LMO7: variants seen among roughly 807,000 people sequenced by gnomAD.
LMO7 encodes the protein LIM domain only protein 7.
In LMO7, 120 loss-of-function variants were observed where a neutral mutation model predicts 206.5. The ratio of observed to expected loss-of-function variants is 0.58; its 90% CI spans 0.50 to 0.68. The LOEUF is 0.68. Among genes scored for constraint, LMO7 ranks in the 30% least tolerant of loss-of-function variants. LMO7 has a pLI of 0.00. For synonymous variants in LMO7, 706 were observed against 681.5 expected, an observed-to-expected ratio of 1.04 and a Z score of -0.56; for missense variants, 1,959 against 1,957.9, an observed-to-expected ratio of 1.00 and a Z score of -0.01.
At chr13:75,782,606 G>A (rs1267476527) in intron 4 of LMO7, among the ~76,000 whole-genome samples, 2 of 152,184 alleles carry the variant, frequency 1.3e-5, no homozygotes, top group Non-Finnish European at 2.9e-5. Context: ...TCTCCTACAT[G>A]TCTCTAGATG....
chr13:75,781,096 C>CTTTTT (rs367937964), intron 4 of LMO7, among the ~76,000 whole-genome samples: 2 of 41,918 alleles, frequency 4.8e-5, no homozygotes, highest in African/African-American at 1.1e-4. Context: ...CTCTATTTTC[C>CTTTTT]TTTTTTTTTT....
chr13:75,791,844 A>G (rs1368603447), intron 4 of LMO7, among the ~76,000 whole-genome samples: 1 of 152,076 alleles, frequency 6.6e-6, no homozygotes, highest in African/African-American at 2.4e-5. Flanking sequence ...AGTAAGGGCT[A>G]TCATCATACC....
At chr13:75,745,543 T>C (rs1400769564) in intron 3 of LMO7, among the ~76,000 whole-genome samples, 1 of 152,190 alleles carries the variant, frequency 6.6e-6, no homozygotes, top group South Asian at 2.1e-4. Flanking sequence ...GTTAATCGTA[T>C]GTGTCAACTT....
At chr13:75,799,490 T>A (rs2140900527) in intron 6 of LMO7, among the ~76,000 whole-genome samples, 1 of 152,330 alleles carries the variant, frequency 6.6e-6, no homozygotes, top group Admixed American at 6.5e-5. Flanking sequence ...ATATGAATAT[T>A]CTTCTATGTA....
Position 75,636,331 on chromosome 13 carries a change from A to G in LMO7, c.-327A>G, listed in dbSNP as rs2035843078. 3 of 1,155,134 alleles carry G rather than the reference A, an allele frequency of 2.6e-6. No individual in the cohort carries two copies. Among genetic ancestry groups the G allele is most frequent in the Non-Finnish European group, 3.2e-6 (3 of 936,422 alleles). The allele number at this position is 1,155,134 out of a possible 1,614,324, so 71.6% of individuals were successfully genotyped here. On this transcript the variant is annotated 5_prime_UTR_variant, in exon 1 of 31. Transcript: ENST00000377534. ...GCGGCGCTGCGACTTTTGAAGTCCA[A>G]ACTGTCGTCGGGGCTGGTGCCGCGC...
chr13:75,833,110 T>C lies in LMO7; in HGVS notation c.3009T>C (p.Phe1003=). ...INQTPGKSLD[F]GFTIKWDIPG... ...AGACGCCTGGGAAGAGTCTTGACTTTGGGTTTACAATAAAATGGGATATTC... is the reference window on the plus strand; with the variant it reads ...AGACGCCTGGGAAGAGTCTTGACTTCGGGTTTACAATAAAATGGGATATTC... The change falls in exon 16 of 31, where the codon TTT becomes TTC. Residue 1003 remains phenylalanine (F), a synonymous_variant. Coordinates refer to ENST00000377534, the MANE Select transcript of LMO7 (RefSeq NM_001306080.2). 1 of 1,612,016 alleles carries C rather than the reference T, an allele frequency of 6.2e-7. No individual in the cohort carries two copies. Among genetic ancestry groups the C allele is most frequent in the Non-Finnish European group, 8.5e-7 (1 of 1,178,248 alleles).
At chr13:75,725,943 A>T (rs888046612) in intron 2 of LMO7, among the ~76,000 whole-genome samples, 2 of 150,820 alleles carry the variant, frequency 1.3e-5, no homozygotes, top group African/African-American at 4.9e-5. Context: ...GTGTGTATAT[A>T]TAAGTCTTTG....
At chr13:75,695,263 T>G (rs968906950) in intron 1 of LMO7, among the ~76,000 whole-genome samples, 2 of 152,236 alleles carry the variant, frequency 1.3e-5, no homozygotes, top group African/African-American at 4.8e-5. Flanking sequence ...GAGAGGAATC[T>G]TAGATGTCTC....
chr13:75,782,156 C>G (rs992257600), intron 4 of LMO7, among the ~76,000 whole-genome samples: 5 of 152,094 alleles, frequency 3.3e-5, no homozygotes, highest in African/African-American at 1.2e-4. Context: ...TCAACTTTGT[C>G]TTAAACTAAT....
intron 4 of LMO7, among the ~76,000 whole-genome samples, chr13:75,776,650 C>T (rs1202693278): frequency 6.6e-6 from 1 of 152,100 alleles, no homozygotes; most frequent in South Asian, 2.1e-4. Flanking sequence ...AAGTTATTAG[C>T]CTTCAACAGC....
intron 3 of LMO7, chr13:75,760,692 G>T (rs1320670595): frequency 7.9e-6 from 12 of 1,523,548 alleles, no homozygotes; most frequent in Non-Finnish European, 9.6e-6. Flanking sequence ...CAGTCACAAA[G>T]ATCACAGAAA....
rs1330843971 is a variant in LMO7 at position 75,849,100 on chromosome 13, A to G, written c.4172A>G (p.Gln1391Arg). The G allele has an allele frequency of 4.4e-6, 7 of 1,607,712 alleles. No individual in the cohort carries two copies. The South Asian group carries it at 7.7e-5, about 18-fold the overall frequency. Residue 1391 changes from glutamine to arginine, a missense_variant, in exon 27 of 31, where the codon CAA (glutamine) becomes CGA (arginine). Gln to Arg is a conservative substitution (Grantham distance 43). Transcript: ENST00000377534. ...NKNGNNKYLD[Q>R]IGNMTSSQRR... ...TTAGGAAACAATAAATATTTAGACC[A>G]AATTGGGAACATGACCTCTTCACAG...
chr13:75,625,157 C>A (rs1291462325), intron 2 of LMO7, among the ~76,000 whole-genome samples: 3 of 152,200 alleles, frequency 2.0e-5, no homozygotes, highest in Non-Finnish European at 4.4e-5. Context: ...AAGGATTGGA[C>A]AGTCTAAACA....
chr13:75,681,738 A>ATATATATATATG (rs2040546120), intron 1 of LMO7, among the ~76,000 whole-genome samples: 1 of 135,230 alleles, frequency 7.4e-6, no homozygotes, highest in African/African-American at 2.7e-5. Flanking sequence ...ATATATATAT[A>ATATATATATATG]TATATATATA....
chr13:75,647,612 T>C (rs2037147806), intron 1 of LMO7, among the ~76,000 whole-genome samples: 1 of 152,156 alleles, frequency 6.6e-6, no homozygotes, highest in Admixed American at 6.5e-5. Context: ...ACTCACTGAT[T>C]GAGTTGTGTC....
intron 7 of LMO7, among the ~76,000 whole-genome samples, chr13:75,802,754 G>C (rs748136568): frequency 6.6e-6 from 1 of 152,182 alleles, no homozygotes; most frequent in Admixed American, 6.5e-5. Flanking sequence ...CTGGGATGGA[G>C]GCACCAGGCC....
At chr13:75,664,832 A>G (rs1055289541) in intron 1 of LMO7, among the ~76,000 whole-genome samples, 4 of 152,180 alleles carry the variant, frequency 2.6e-5, no homozygotes, top group African/African-American at 9.7e-5. Context: ...GCACCTTAAT[A>G]TGCTTGAACT....
chr13:75,799,046 C>G (rs998857053), intron 6 of LMO7, among the ~76,000 whole-genome samples: 3 of 152,214 alleles, frequency 2.0e-5, no homozygotes, highest in Admixed American at 6.5e-5. Context: ...TCCCCATCTG[C>G]TTGGAAGTAG....
chr13:75,684,795 ATGTG>A (rs202135001), intron 1 of LMO7, among the ~76,000 whole-genome samples: 2 of 150,910 alleles, frequency 1.3e-5, no homozygotes, highest in East Asian at 2.0e-4. Context: ...ATGTGTATAT[ATGTG>A]TGTGTGTGTA....
Sources: gnomAD v4.1 joint callset for allele counts (sites outside exome capture counted in the v4.1 genomes callset) on GRCh38, gnomAD v4.1.1 for gene constraint, MANE v1.5 for transcripts, NCBI Gene and HGNC (gene_info 2026-07-23, HGNC 2026-07-21) for gene names.